The following LARGE1 variants were observed in gnomAD, a reference collection of about 807,000 sequenced individuals.
LARGE1 encodes the protein LARGE xylosyl- and glucuronyltransferase 1, also known as xylosyl- and glucuronyltransferase LARGE1.
A neutral mutation model predicts 87.6 loss-of-function variants in LARGE1; 43 were observed. The observed-to-expected ratio is 0.49, with a 90% confidence interval of 0.38 to 0.63. The LOEUF is 0.63. Among genes scored for constraint, LARGE1 ranks in the 30% least tolerant of loss-of-function variants. The probability of loss-of-function intolerance (pLI) is 0.00; values close to 1 mark genes in which losing one functional copy is unlikely to be tolerated. For missense variants in LARGE1, 802 were observed against 1,000.2 expected (o/e 0.80, Z 2.67); for synonymous variants, 434 against 394.6 (o/e 1.10, Z -1.18).
intron 12 of LARGE1, among the ~76,000 whole-genome samples, chr22:33,300,349 T>A (rs1398543539): frequency 6.6e-6 from 1 of 152,214 alleles, no homozygotes; most frequent in African/African-American, 2.4e-5. Flanking sequence ...GCTCAGTAAC[T>A]TGTAACTGTC....
At chr22:33,380,200 CT>C (rs1269911321) in intron 9 of LARGE1, among the ~76,000 whole-genome samples, 1 of 152,206 alleles carries the variant, frequency 6.6e-6, no homozygotes, top group African/African-American at 2.4e-5. Flanking sequence ...ATTTCGCCCC[CT>C]CTCCAAACTT....
At chr22:33,068,463 G>A in the LARGE1 span, among the ~76,000 whole-genome samples, 1 of 151,988 alleles carries the variant, frequency 6.6e-6, no homozygotes, top group Admixed American at 6.6e-5. Context: ...GGCTAACACG[G>A]TGAAACCCCA....
At chr22:33,192,026 C>T (rs1568967186) in intron 11 of LARGE1, among the ~76,000 whole-genome samples, 1 of 152,116 alleles carries the variant, frequency 6.6e-6, no homozygotes, top group Non-Finnish European at 1.5e-5. Context: ...TCTAAATATA[C>T]TTCTTATTTT....
the LARGE1 span, among the ~76,000 whole-genome samples, chr22:33,141,193 C>G: frequency 1.8e-4 from 26 of 143,906 alleles, no homozygotes; most frequent in African/African-American, 7.3e-4. Flanking sequence ...CTCTCTCTCT[C>G]TCACACACAC....
chr22:33,213,223 C>T (rs1191754131), intron 11 of LARGE1, among the ~76,000 whole-genome samples: 2 of 152,066 alleles, frequency 1.3e-5, no homozygotes, highest in Non-Finnish European at 2.9e-5. Flanking sequence ...GCTGCAGCCT[C>T]ATAATAAAGC....
At chr22:33,876,905 A>G (rs1339627338) in intron 1 of LARGE1, among the ~76,000 whole-genome samples, 2 of 151,524 alleles carry the variant, frequency 1.3e-5, no homozygotes, top group East Asian at 3.9e-4. Context: ...ACTGGCCTTT[A>G]TGACTGTCCT....
At chr22:33,353,405 T>C (rs1340739045) in intron 9 of LARGE1, among the ~76,000 whole-genome samples, 2 of 151,954 alleles carry the variant, frequency 1.3e-5, no homozygotes, top group South Asian at 4.1e-4. Flanking sequence ...TTTTCTTTTT[T>C]TTTTTTTGCC....
chr22:33,275,312 C>T (rs1411363166), intron 14 of LARGE1, among the ~76,000 whole-genome samples: 2 of 152,182 alleles, frequency 1.3e-5, no homozygotes, highest in East Asian at 1.9e-4. Context: ...TAGGTCATAT[C>T]GCTTAGAGGA....
chr22:33,568,283 G>A (rs1284792562), intron 5 of LARGE1, among the ~76,000 whole-genome samples: 1 of 152,140 alleles, frequency 6.6e-6, no homozygotes, highest in Admixed American at 6.5e-5. Context: ...CCAGTCTCCC[G>A]GGAGGGCAGC....
chr22:33,727,854 G>C (rs2083318037), intron 2 of LARGE1, among the ~76,000 whole-genome samples: 1 of 152,142 alleles, frequency 6.6e-6, no homozygotes, highest in African/African-American at 2.4e-5. Flanking sequence ...GCTTGGAAAG[G>C]TCAGGGGAAG....
chr22:33,900,210 A>G (rs1267512073), intron 1 of LARGE1, among the ~76,000 whole-genome samples: 1 of 152,182 alleles, frequency 6.6e-6, no homozygotes, highest in African/African-American at 2.4e-5. Context: ...ACTGGCCTGC[A>G]AGTCAGGACA....
chr22:33,597,724 C>T (rs1396638885), intron 5 of LARGE1, among the ~76,000 whole-genome samples: 3 of 152,112 alleles, frequency 2.0e-5, no homozygotes, highest in Non-Finnish European at 4.4e-5. Context: ...ATGAAACAGC[C>T]ACTGCCCTGC....
intron 6 of LARGE1, among the ~76,000 whole-genome samples, chr22:33,467,894 T>G (rs1051311303): frequency 6.6e-6 from 1 of 152,228 alleles, no homozygotes; most frequent in Non-Finnish European, 1.5e-5. Flanking sequence ...GAGCTCAGTC[T>G]ACCTTAGATG....
intron 4 of LARGE1, among the ~76,000 whole-genome samples, chr22:33,616,315 T>C (rs1602731565): frequency 6.6e-6 from 1 of 151,984 alleles, no homozygotes; most frequent in Non-Finnish European, 1.5e-5. Context: ...AAGACCAAGC[T>C]GGCCAACATG....
At chr22:33,340,218 A>G (rs2146606032) in intron 9 of LARGE1, among the ~76,000 whole-genome samples, 1 of 151,934 alleles carries the variant, frequency 6.6e-6, no homozygotes, top group Non-Finnish European at 1.5e-5. Flanking sequence ...GTGGTCACAG[A>G]AAAGTAGGCT....
At chr22:33,737,138 G>A (rs548243895) in intron 2 of LARGE1, among the ~76,000 whole-genome samples, 9 of 152,274 alleles carry the variant, frequency 5.9e-5, no homozygotes, top group Non-Finnish European at 8.8e-5. Flanking sequence ...ATGACCCTGC[G>A]TCATTTGCTT....
intron 11 of LARGE1, among the ~76,000 whole-genome samples, chr22:33,231,558 G>A (rs972524207): frequency 2.0e-5 from 3 of 152,210 alleles, no homozygotes; most frequent in South Asian, 4.1e-4. Context: ...AAAGAAGGAA[G>A]AAACATCTGC....
At chr22:33,813,799 C>T (rs2086571437) in intron 1 of LARGE1, among the ~76,000 whole-genome samples, 1 of 152,142 alleles carries the variant, frequency 6.6e-6, no homozygotes, top group South Asian at 2.1e-4. Flanking sequence ...TTCTACGATG[C>T]TCCCAACTTC....
rs767177452 is a variant in LARGE1 at position 33,274,562 on chromosome 22, G to C, written c.2136C>G (p.Phe712Leu). The C allele has an allele frequency of 6.2e-7, 1 of 1,614,124 alleles. No individual in the cohort carries two copies. The change falls in exon 15 of 15, where the codon TTC (phenylalanine) becomes TTG (leucine). Residue 712 changes from phenylalanine to leucine, a missense_variant. Physicochemically the swap from Phe to Leu is conservative, Grantham distance 22. Coordinates refer to ENST00000397394, the MANE Select transcript of LARGE1 (RefSeq NM_133642.5). ...TGTTGGAACGGAACTTGGTAATGTCGAAGCTGGGGGCATGAGGCATGTGGA... is the reference window on the plus strand; with the variant it reads ...TGTTGGAACGGAACTTGGTAATGTCCAAGCTGGGGGCATGAGGCATGTGGA... The part of the protein sequence containing the change: ...YMIHMPHAPS[F>L]DITKFRSNKQ...
Sources: allele counts gnomAD v4.1 joint callset (sites outside exome capture counted in the v4.1 genomes callset), GRCh38; gene constraint gnomAD v4.1.1; transcripts MANE v1.5; gene names NCBI Gene and HGNC (gene_info 2026-07-23, HGNC 2026-07-21).